The following BTNL2 variants were observed in gnomAD, a reference collection of about 807,000 sequenced individuals.
The protein encoded by BTNL2 is butyrophilin-like protein 2.
Under a neutral mutation model 46.8 loss-of-function variants are expected in BTNL2, and 46 were observed. The ratio of observed to expected loss-of-function variants is 0.98; its 90% CI spans 0.78 to 1.26. BTNL2 has a LOEUF of 1.26. Among genes scored for constraint, BTNL2 ranks in the 50% most tolerant of loss-of-function variants. The probability of loss-of-function intolerance (pLI) is 0.00; values close to 1 mark genes in which losing one functional copy is unlikely to be tolerated. For synonymous variants in BTNL2, 226 were observed against 229.1 expected (o/e 0.99, Z 0.12); for missense variants, 461 against 592.6 (o/e 0.78, Z 2.31).
At chr6:32,400,354 G>A (rs1776674604) in intron 4 of BTNL2, among the ~76,000 whole-genome samples, 1 of 152,222 alleles carries the variant, frequency 6.6e-6, no homozygotes, top group South Asian at 2.1e-4. Context: ...GCACACACAT[G>A]GATACACATT....
chr6:32,398,184 G>A (rs1485772237), intron 4 of BTNL2, among the ~76,000 whole-genome samples: 9 of 152,024 alleles, frequency 5.9e-5, no homozygotes, highest in South Asian at 2.1e-4. Flanking sequence ...ATTAAGTGTC[G>A]TCCTTTTCTG....
chr6:32,394,166 C>T lies in BTNL2; in HGVS notation c.1361-109G>A, dbSNP rs35194487. ...GCTGGAGAGAAGGGAGAGAATTTGG[C>T]CTCCCAGGAAGCAGTTGGCCTGCTC... On this transcript the variant is annotated intron_variant, in intron 6 of 7. Coordinates refer to ENST00000454136, the MANE Select transcript of BTNL2 (RefSeq NM_001304561.2). This position sits in a 1 kb window ranked among gnomAD's most constrained non-coding sequence, Gnocchi z 4.6. 191,670 of 1,422,448 alleles carry T rather than the reference C, an allele frequency of 0.13. 14,498 individuals carry two copies. Among genetic ancestry groups the T allele is most frequent in the East Asian group, 0.23 (8,978 of 39,494 alleles). 88.1% of individuals were successfully genotyped at this position (1,422,448 alleles called of 1,614,324 possible).
In BTNL2 at chr6:32,393,938, C is replaced by T. The variant is rs181139235; in HGVS notation, c.*6+25G>A. The T allele has an allele frequency of 3.8e-5, 59 of 1,548,950 alleles. 1 individual carries two copies. The African/African-American group carries it at 4.2e-4, about 11-fold the overall frequency. ...GTACGGTTCCCACTGCAGTGTGCTC[C>T]GCTGTTTCTGTTTCCCTGACTTACC... On this transcript the variant is annotated intron_variant, in intron 7 of 7. Coordinates refer to ENST00000454136, the MANE Select transcript of BTNL2 (RefSeq NM_001304561.2). This position sits in a 1 kb window ranked among gnomAD's most constrained non-coding sequence, Gnocchi z 4.8.
chr6:32,394,075 G>C lies in BTNL2; in HGVS notation c.1361-18C>G. 1 of 1,548,898 alleles carries C rather than the reference G, an allele frequency of 6.5e-7. No homozygotes were observed. Among genetic ancestry groups the C allele is most frequent in the Non-Finnish European group, 8.7e-7 (1 of 1,145,732 alleles). On this transcript the variant is annotated intron_variant, in intron 6 of 7. Transcript: ENST00000454136. This position sits in a 1 kb window ranked among gnomAD's most constrained non-coding sequence, Gnocchi z 4.6. ...CCTGGACTCTAAAATGGAAACCCAA[G>C]AATCCCTTGAAACTGTGAAACTGGG...
chr6:32,396,375 C>A lies in BTNL2; in HGVS notation c.742G>T (p.Val248Leu). ...AGGATGGGCTGGGAAGGTCCATTCA[C>A]TTTTAAAGAAGCTGTTAAATAGAGT... is the stretch of plus-strand genomic sequence containing the variant. Reference protein sequence around the residue: ...KLQTELASLKVNGPSQPILVR... With the variant: ...KLQTELASLKLNGPSQPILVR... The change falls in exon 5 of 8, where the codon GTG becomes TTG. Residue 248 changes from valine to leucine, a missense_variant. Coordinates refer to ENST00000454136, the MANE Select transcript of BTNL2 (RefSeq NM_001304561.2). This position sits in a 1 kb window ranked among gnomAD's most constrained non-coding sequence, Gnocchi z 4.4. 1.2e-6 allele frequency: 2 copies of A among 1,612,394 alleles called. No homozygotes were observed. The highest frequency in any genetic ancestry group is 1.7e-6 in the Non-Finnish European group (2 of 1,179,732).
rs9281774 is a variant in BTNL2 at position 32,400,745 on chromosome 6, T to TAAAAATACAAAAAAAAAA, written c.730+1039_730+1040insTTTTTTTTTTGTATTTTT. Among the ~76,000 whole-genome samples, 3 of 82,162 alleles carry TAAAAATACAAAAAAAAAA rather than the reference T, an allele frequency of 3.7e-5. 1 individual carries two copies. Among genetic ancestry groups the TAAAAATACAAAAAAAAAA allele is most frequent in the Non-Finnish European group, 5.2e-5 (2 of 38,798 alleles). 53.9% of individuals were successfully genotyped at this position (82,162 alleles called of 152,430 possible). A position where few individuals can be genotyped will look rare whatever the true frequency, so the allele number is the denominator to read the frequency against. ...CAACATGGTGAAACCCCGTCTCTACTAAAAAAAAAAAAAAAAAATTAGCTG... is the reference window on the plus strand; with the variant it reads ...CAACATGGTGAAACCCCGTCTCTACTAAAAATACAAAAAAAAAAAAAAAAAAAAAAAAAAAATTAGCTG... On this transcript the variant is annotated intron_variant, in intron 4 of 7. Coordinates refer to ENST00000454136, the MANE Select transcript of BTNL2 (RefSeq NM_001304561.2).
Position 32,405,003 on chromosome 6 carries a change from T to C in BTNL2, c.363A>G (p.Gln121=), listed in dbSNP as rs1777029422. Residue 121 remains glutamine, a synonymous_variant, in exon 2 of 8, where the codon CAA becomes CAG. Transcript: ENST00000454136. ...TCCCATCCTGGAAATGGCACCAGTA[T>C]TGTCCATTGTCGGAGGGCTGGATGT... is the stretch of plus-strand genomic sequence containing the variant. ...IHNIQPSDNG[Q]YWCHFQDGNY... The C allele has an allele frequency of 6.2e-7, 1 of 1,613,004 alleles. No individual in the cohort carries two copies. Among genetic ancestry groups the C allele is most frequent in the Non-Finnish European group, 8.5e-7 (1 of 1,180,054 alleles).
chr6:32,405,821 T>G (rs199744899), intron 1 of BTNL2, among the ~76,000 whole-genome samples: 3 of 146,164 alleles, frequency 2.1e-5, no homozygotes, highest in African/African-American at 5.1e-5. Context: ...TTTTTTTGTT[T>G]TTTTTTTGTT....
At position 32,407,163 on chromosome 6, in the gene BTNL2, G is replaced by C; in HGVS notation, c.-40C>G. ...AGACAAGGAAACGCTGTGCCTAAGTGAGGCTGTGACACACCCGGCACACTC... is the reference window on the plus strand; with the variant it reads ...AGACAAGGAAACGCTGTGCCTAAGTCAGGCTGTGACACACCCGGCACACTC... On this transcript the variant is annotated 5_prime_UTR_variant, in exon 1 of 8. Transcript: ENST00000454136. 1.3e-6 allele frequency: 2 copies of C among 1,577,028 alleles called. No individual in the cohort carries two copies. The highest frequency in any genetic ancestry group is 1.7e-6 in the Non-Finnish European group (2 of 1,147,630).
chr6:32,405,809 T>G (rs1583274297), intron 1 of BTNL2, among the ~76,000 whole-genome samples: 1 of 83,832 alleles, frequency 1.2e-5, no homozygotes, highest in Non-Finnish European at 2.5e-5. Flanking sequence ...TAAAAACTGT[T>G]TTTTTTTTGT....
At chr6:32,400,681 C>T (rs1207892702) in intron 4 of BTNL2, among the ~76,000 whole-genome samples, 4 of 146,468 alleles carry the variant, frequency 2.7e-5, no homozygotes, top group East Asian at 2.0e-4. Flanking sequence ...AGGCCAAGGC[C>T]GGCGGATCAT....
chr6:32,397,554 CTT>C (rs1234796731), intron 4 of BTNL2, among the ~76,000 whole-genome samples: 2 of 152,236 alleles, frequency 1.3e-5, no homozygotes, highest in African/African-American at 4.8e-5. Context: ...TCTTCTAACA[CTT>C]CAATTCTGTA....
chr6:32,400,757 A>AT (rs1776710563), intron 4 of BTNL2, among the ~76,000 whole-genome samples: 2 of 140,904 alleles, frequency 1.4e-5, no homozygotes, highest in African/African-American at 5.1e-5. Context: ...AAAAAAAAAA[A>AT]AAAAAATTAG....
In BTNL2 at chr6:32,402,791, C is replaced by T. The variant is rs17208818; in HGVS notation, c.709+144G>A. 9.7e-3 allele frequency: 8,664 copies of T among 891,672 alleles called. 134 individuals are homozygous for T. The highest frequency in any genetic ancestry group is 0.046 in the South Asian group (2,412 of 52,024). The allele number at this position is 891,672 out of a possible 1,614,324, so 55.2% of individuals were successfully genotyped here. A position where few individuals can be genotyped will look rare whatever the true frequency, so the allele number is the denominator to read the frequency against. ...AAGTAAAATGTAGTGCGTATATTTCCAGTCATAAATGTTTTATGGCTTTCA... is the reference window on the plus strand; with the variant it reads ...AAGTAAAATGTAGTGCGTATATTTCTAGTCATAAATGTTTTATGGCTTTCA... On this transcript the variant is annotated intron_variant, in intron 3 of 7. Transcript: ENST00000454136.
At position 32,405,182 on chromosome 6, in the gene BTNL2, C is replaced by G. The variant is rs752518274; in HGVS notation, c.184G>C (p.Glu62Gln). 9.3e-6 allele frequency: 15 copies of G among 1,613,066 alleles called. No individual in the cohort carries two copies. The highest frequency in any genetic ancestry group is 1.3e-5 in the African/African-American group (1 of 75,028). ...LLPKRTTMHV[E>Q]VRWYRSEPST... ...GGCTCTGAGCGGTACCACCTCACCT[C>G]CACGTGCATTGTGGTCCTCTTGGGG... Residue 62 changes from glutamate (E) to glutamine (Q), a missense_variant, in exon 2 of 8, where the codon GAG becomes CAG. Physicochemically the swap from Glu to Gln is conservative, Grantham distance 29. Coordinates refer to ENST00000454136, the MANE Select transcript of BTNL2 (RefSeq NM_001304561.2).
At chr6:32,404,276 C>A (rs1416741548) in intron 2 of BTNL2, among the ~76,000 whole-genome samples, 2 of 152,190 alleles carry the variant, frequency 1.3e-5, no homozygotes, top group African/African-American at 2.4e-5. Flanking sequence ...GTCAGGGAAT[C>A]ATATGATAGT....
At position 32,394,640 on chromosome 6, in the gene BTNL2, C is replaced by G; in HGVS notation, c.1360+104G>C. Reference sequence around the variant, plus strand: ...GATAGCAGGAGACCTCGTCAGAGATCAGCAAATAAAAATCACAAAGGAAGA... The same window carrying G: ...GATAGCAGGAGACCTCGTCAGAGATGAGCAAATAAAAATCACAAAGGAAGA... On this transcript the variant is annotated intron_variant, in intron 6 of 7. Transcript: ENST00000454136. The surrounding 1 kb of genome is among the most constrained non-coding windows in gnomAD (Gnocchi z 4.6). The G allele has an allele frequency of 7.4e-7, 1 of 1,357,428 alleles. No individual in the cohort carries two copies. Among genetic ancestry groups the G allele is most frequent in the Non-Finnish European group, 1.0e-6 (1 of 988,794 alleles). The allele number at this position is 1,357,428 out of a possible 1,614,324, so 84.1% of individuals were successfully genotyped here.
intron 3 of BTNL2, among the ~76,000 whole-genome samples, chr6:32,402,417 C>G (rs1776840009): frequency 6.6e-6 from 1 of 151,414 alleles, no homozygotes; most frequent in South Asian, 2.1e-4. Flanking sequence ...GGATTTTTTT[C>G]AACCATTAAA....
Position 32,405,035 on chromosome 6 carries a change from T to C in BTNL2, c.331A>G (p.Ile111Val), listed in dbSNP as rs755828267. Residue 111 changes from isoleucine (I) to valine (V), a missense_variant, in exon 2 of 8, where the codon ATA becomes GTA. Coordinates refer to ENST00000454136, the MANE Select transcript of BTNL2 (RefSeq NM_001304561.2). ...TTGTCGGAGGGCTGGATGTTGTGTATCTTCAGTGCCACATTTCCCTTTGCA... is the reference window on the plus strand; with the variant it reads ...TTGTCGGAGGGCTGGATGTTGTGTACCTTCAGTGCCACATTTCCCTTTGCA... ...GIAKGNVALK[I>V]HNIQPSDNGQ... 6.2e-7 allele frequency: 1 copy of C among 1,613,068 alleles called. No homozygotes were observed.
Sources: allele counts gnomAD v4.1 joint callset (sites outside exome capture counted in the v4.1 genomes callset), GRCh38; gene constraint gnomAD v4.1.1; non-coding constraint Gnocchi (gnomAD v3.1); transcripts MANE v1.5; gene names NCBI Gene and HGNC (gene_info 2026-07-23, HGNC 2026-07-21).